Variants in CACNA1H observed in about 807,000 individuals in gnomAD.
The protein encoded by CACNA1H is voltage-dependent T-type calcium channel subunit alpha-1H.
Under a neutral mutation model 192.5 loss-of-function variants are expected in CACNA1H, and 149 were observed. The observed-to-expected ratio is 0.77, with a 90% CI of 0.68 to 0.89. The LOEUF (loss-of-function observed/expected upper bound fraction) is 0.89, where lower values mean the gene tolerates loss of function less well. CACNA1H is among the 40% of genes least tolerant of loss of function. CACNA1H has a pLI of 0.00. For missense variants in CACNA1H, 4,257 were observed against 3,423.5 expected (o/e 1.24, Z -6.08); for synonymous variants, 2,202 against 1,475.2 (o/e 1.49, Z -11.29).
chr16:1,218,146 G>A, intron 32 of CACNA1H, 64 bp from the exon 33 acceptor site: 2 of 1,533,074 alleles, frequency 1.3e-6, no homozygotes, highest in Non-Finnish European at 1.8e-6. Flanking sequence ...GAAGGGGACG[G>A]CACTGCCAGG....
intron 34 of CACNA1H, 113 bp downstream of exon 34, chr16:1,219,243 A>G (rs1430415661): frequency 6.4e-6 from 7 of 1,102,206 alleles, no homozygotes; most frequent in Non-Finnish European, 8.8e-6. Flanking sequence ...GGAGGGTCGC[A>G]CTGGGTCCTT....
At chr16:1,196,430 G>T (rs1174921545) in intron 5 of CACNA1H, among the ~76,000 whole-genome samples, 1 of 152,190 alleles carries the variant, frequency 6.6e-6, no homozygotes, top group Non-Finnish European at 1.5e-5. Flanking sequence ...AGCTCACCTG[G>T]GGGCTCTGTG....
At position 1,156,023 on chromosome 16, in the gene CACNA1H, G is replaced by A. The variant is rs867753227; in HGVS notation, c.299+1987G>A. Among the ~76,000 whole-genome samples, 4 of 152,284 alleles carry A rather than the reference G, an allele frequency of 2.6e-5. No individual in the cohort carries two copies. The East Asian group carries it at 7.7e-4, about 29-fold the overall frequency. On this transcript the variant is annotated intron_variant, in intron 2 of 34. Transcript: ENST00000348261. ...GTGCTCTCAGCCTGGGAAGAACAGA[G>A]CATGCCCCATCCCTGGTGTCCCCAG...
Position 1,200,584 on chromosome 16 carries a change from A to G in CACNA1H, c.1119+13A>G. 1 of 1,611,122 alleles carries G rather than the reference A, an allele frequency of 6.2e-7. No homozygotes were observed. The highest frequency in any genetic ancestry group is 2.2e-5 in the East Asian group (1 of 44,834). ...TGCCATCTTCCAGGTGGGCGGCAAG[A>G]TGGTGGGACGGGGACCCTGGGGCAC... On this transcript the variant is annotated intron_variant, in intron 7 of 34. Coordinates refer to ENST00000348261, the MANE Select transcript of CACNA1H (RefSeq NM_021098.3).
rs769243200 is a variant in CACNA1H at position 1,210,606 on chromosome 16, C to T, written c.3993C>T (p.Ser1331=). 3.7e-6 allele frequency: 6 copies of T among 1,608,090 alleles called. No individual in the cohort carries two copies. In the East Asian group the frequency reaches 6.7e-5, roughly 18 times the overall value. Residue 1331 remains serine (S), a synonymous_variant, in exon 20 of 35, where the codon TCC becomes TCT. Coordinates refer to ENST00000348261, the MANE Select transcript of CACNA1H (RefSeq NM_021098.3). ...GSTERVFLSV[S]NYIFTAIFVA... The stretch of plus-strand genomic sequence containing the variant: ...AGGAGCGGGTCTTCCTCAGCGTCTC[C>T]AATTACATCTTCACGGCCATCTTCG...
At chr16:1,215,158 C>G (rs1969905853) in intron 28 of CACNA1H, 77 bp downstream of exon 28, 11 of 1,580,326 alleles carry the variant, frequency 7.0e-6, no homozygotes, top group Non-Finnish European at 9.5e-6. Context: ...AGGCCGCAGG[C>G]TTTCCCACGG....
At chr16:1,171,983 G>A (rs1964412310) in intron 2 of CACNA1H, among the ~76,000 whole-genome samples, 1 of 152,234 alleles carries the variant, frequency 6.6e-6, no homozygotes, top group African/African-American at 2.4e-5. Flanking sequence ...TGCGGCATGG[G>A]GTTCGCGTGG....
Position 1,220,269 on chromosome 16 carries a change from C to A in CACNA1H, c.6337C>A (p.Pro2113Thr). Residue 2113 changes from proline (P) to threonine (T), a missense_variant, in exon 35 of 35, where the codon CCC (proline) becomes ACC (threonine). Transcript: ENST00000348261. ...HITSSACPWQ[P>T]TAEPHGPEAS... ...CACCAGCTCCGCCTGCCCCTGGCAG[C>A]CCACAGCCGAGCCCCATGGCCCCGA... The A allele has an allele frequency of 6.3e-7, 1 of 1,587,268 alleles. No individual in the cohort carries two copies.
chr16:1,186,483 C>G (rs1250361130), intron 2 of CACNA1H, among the ~76,000 whole-genome samples: 1 of 152,086 alleles, frequency 6.6e-6, no homozygotes, highest in Non-Finnish European at 1.5e-5. Context: ...TGGACTCTGC[C>G]CACGTCCTGA....
chr16:1,204,718 C>G (rs1031013059), intron 10 of CACNA1H, among the ~76,000 whole-genome samples: 3 of 148,370 alleles, frequency 2.0e-5, no homozygotes, highest in Non-Finnish European at 4.5e-5. Flanking sequence ...CCTCTTGACC[C>G]TTTGGGTCTT....
Position 1,220,239 on chromosome 16 carries a change from C to T in CACNA1H, c.6307C>T (p.His2103Tyr), listed in dbSNP as rs767559205. 2.5e-6 allele frequency: 4 copies of T among 1,585,218 alleles called. No individual in the cohort carries two copies. Among genetic ancestry groups the T allele is most frequent in the South Asian group, 2.2e-5 (2 of 89,036 alleles). ...GGACCCAGCCGACGAGGAGGTCAGC[C>T]ACATCACCAGCTCCGCCTGCCCCTG... ...ASDPADEEVS[H>Y]ITSSACPWQP... Residue 2103 changes from histidine (H) to tyrosine (Y), a missense_variant, in exon 35 of 35, where the codon CAC (histidine) becomes TAC (tyrosine). Physicochemically the swap from His to Tyr is moderately conservative, Grantham distance 83 (BLOSUM62 2). Coordinates refer to ENST00000348261, the MANE Select transcript of CACNA1H (RefSeq NM_021098.3).
intron 9 of CACNA1H, among the ~76,000 whole-genome samples, chr16:1,203,190 C>A (rs770533893): frequency 1.3e-5 from 2 of 152,106 alleles, no homozygotes; most frequent in Non-Finnish European, 2.9e-5. Context: ...TGCTCCTAGC[C>A]CTTGAATTGT....
rs566771362 is a variant in CACNA1H, at chr16:1,156,326, C to T, written c.299+2290C>T. 6.6e-5 allele frequency among the ~76,000 whole-genome samples: 10 copies of T among 152,326 alleles called. No homozygotes were observed. The South Asian group carries it at 1.9e-3, about 28-fold the overall frequency. ...AGGTGGAGTGGGCTTGTGGAGGCCC[C>T]GGCTGCATGGGGGTGGGTGTGACCA... On this transcript the variant is annotated intron_variant, in intron 2 of 34. Transcript: ENST00000348261.
Position 1,195,906 on chromosome 16 carries a change from C to T in CACNA1H, c.546-20C>T, listed in dbSNP as rs767363393. ...ACCTGGGCTCCTTGTTGAGCTGCTCCCCCTCGGCCCCGCCCCCAGCATGAT... is the reference window on the plus strand; with the variant it reads ...ACCTGGGCTCCTTGTTGAGCTGCTCTCCCTCGGCCCCGCCCCCAGCATGAT... On this transcript the variant is annotated intron_variant, in intron 4 of 34. Transcript: ENST00000348261. 2 of 1,598,912 alleles carry T rather than the reference C, an allele frequency of 1.3e-6. No individual in the cohort carries two copies. Among genetic ancestry groups the T allele is most frequent in the East Asian group, 2.2e-5 (1 of 44,806 alleles).
intron 5 of CACNA1H, 147 bp from the exon 6 acceptor site, chr16:1,198,468 A>G: frequency 1.2e-6 from 1 of 803,686 alleles, no homozygotes; most frequent in Non-Finnish European, 2.0e-6. Context: ...CGGGAAAATC[A>G]CCAGGGGGTG....
In CACNA1H at chr16:1,200,315, C is replaced by T. The variant is rs558042478; in HGVS notation, c.863C>T (p.Pro288Leu). The T allele has an allele frequency of 6.8e-6, 11 of 1,605,952 alleles. No individual in the cohort carries two copies. Among genetic ancestry groups the T allele is most frequent in the African/African-American group, 2.7e-5 (2 of 74,914 alleles). ...YYQTEEGEENPFICSSRRDNG... is the reference protein window; with the variant it reads ...YYQTEEGEENLFICSSRRDNG... ...CAGACGGAGGAGGGCGAGGAGAACC[C>T]GTTCATCTGCTCCTCACGCCGAGAC... Residue 288 changes from proline (P) to leucine (L), a missense_variant, in exon 7 of 35, where the codon CCG becomes CTG. Pro to Leu is a moderately conservative substitution (Grantham distance 98, BLOSUM62 -3). Transcript: ENST00000348261.
In CACNA1H at chr16:1,211,781, G is replaced by A. The variant is rs1969479808; in HGVS notation, c.4542G>A (p.Leu1514=). The A allele has an allele frequency of 6.2e-7, 1 of 1,612,584 alleles. No individual in the cohort carries two copies. The highest frequency in any genetic ancestry group is 1.1e-5 in the South Asian group (1 of 91,094). The change falls in exon 24 of 35, where the codon CTG becomes CTA. Residue 1514 remains leucine (L), a synonymous_variant. Coordinates refer to ENST00000348261, the MANE Select transcript of CACNA1H (RefSeq NM_021098.3). ...GGGTGAACATCATGTACGACGGGCTGGATGCCGTGGGTGTCGACCAGCAGG... is the reference window on the plus strand; with the variant it reads ...GGGTGAACATCATGTACGACGGGCTAGATGCCGTGGGTGTCGACCAGCAGG... The part of the protein sequence containing the change: ...DGWVNIMYDG[L]DAVGVDQQPV...
chr16:1,155,566 C>A (rs1164814524), intron 2 of CACNA1H, among the ~76,000 whole-genome samples: 3 of 152,278 alleles, frequency 2.0e-5, no homozygotes, highest in East Asian at 1.9e-4. Flanking sequence ...TGTTTCCCAA[C>A]GTGTGCAGAC....
intron 14 of CACNA1H, 136 bp from the exon 15 acceptor site, chr16:1,207,634 C>A: frequency 1.1e-6 from 1 of 930,206 alleles, no homozygotes; most frequent in Non-Finnish European, 1.7e-6. Context: ...CCTACCTGCC[C>A]ACCCTGGCAG....
Sources: gnomAD v4.1 joint callset for allele counts (sites outside exome capture counted in the v4.1 genomes callset) on GRCh38, gnomAD v4.1.1 for gene constraint, MANE v1.5 for transcripts, NCBI Gene and HGNC (gene_info 2026-07-23, HGNC 2026-07-21) for gene names.